MZT2B: variants seen among roughly 807,000 people sequenced by gnomAD.
The protein encoded by MZT2B is mitotic-spindle organizing protein 2B.
A neutral mutation model predicts 12.1 loss-of-function variants in MZT2B; 11 were observed. The ratio of observed to expected loss-of-function variants is 0.91; its 90% CI spans 0.57 to 1.50. The LOEUF (loss-of-function observed/expected upper bound fraction) is 1.50. Ranked by LOEUF, MZT2B falls within the 40% of genes most tolerant of loss-of-function variation. MZT2B has a pLI of 0.00. For missense variants in MZT2B, 209 were observed against 227.7 expected, an observed-to-expected ratio of 0.92 and a Z score of 0.53; for synonymous variants, 85 against 109.5, an observed-to-expected ratio of 0.78 and a Z score of 1.40.
chr2:130,192,568 G>A (rs1366316324), downstream of MZT2B, among the ~76,000 whole-genome samples: 4 of 152,206 alleles, frequency 2.6e-5, no homozygotes, highest in East Asian at 3.9e-4. Context: ...ACAAGCCACT[G>A]TGGATATGCA....
chr2:130,181,938 G>A, upstream of MZT2B: 6 of 1,434,900 alleles, frequency 4.2e-6, no homozygotes, highest in South Asian at 1.3e-5. Flanking sequence ...TTTCTTGAAA[G>A]AGGCATTTAC....
chr2:130,187,219 C>G (rs1228092368), intron 2 of MZT2B, among the ~76,000 whole-genome samples: 1 of 152,028 alleles, frequency 6.6e-6, no homozygotes, highest in African/African-American at 2.4e-5. Context: ...TTGAGACAGT[C>G]TTGTTCTGTC....
chr2:130,204,740 C>T, the MZT2B span, among the ~76,000 whole-genome samples: 2 of 149,864 alleles, frequency 1.3e-5, no homozygotes, highest in African/African-American at 2.5e-5. Flanking sequence ...GATATTTCAG[C>T]GATGGTATTG....
chr2:130,196,327 G>A, the MZT2B span: 11 of 1,614,030 alleles, frequency 6.8e-6, no homozygotes, highest in African/African-American at 4.0e-5. Context: ...AGGCATTGCC[G>A]ATCTGGACAC....
chr2:130,190,644 T>A lies in MZT2B; in HGVS notation c.*18T>A. 6.3e-7 allele frequency: 1 copy of A among 1,588,850 alleles called. No individual in the cohort carries two copies. The highest frequency in any genetic ancestry group is 8.6e-7 in the Non-Finnish European group (1 of 1,161,380). On this transcript the variant is annotated 3_prime_UTR_variant, in exon 3 of 3. Coordinates refer to ENST00000281871, the MANE Select transcript of MZT2B (RefSeq NM_025029.5). ...GCACCTAGGATGGGGCAGAGACTTG[T>A]TGCATCTTTGTCCCCAGCAAAGGCT...
rs895677161 is a variant in MZT2B at position 130,184,437 on chromosome 2, C to G, written c.319+1662C>G. 3.0e-6 allele frequency: 3 copies of G among 985,352 alleles called. No individual in the cohort carries two copies. The African/African-American group carries it at 5.2e-5, about 17-fold the overall frequency. The allele number at this position is 985,352 out of a possible 1,614,324, so 61.0% of individuals were successfully genotyped here. On this transcript the variant is annotated intron_variant, in intron 2 of 2. Coordinates refer to ENST00000281871, the MANE Select transcript of MZT2B (RefSeq NM_025029.5). ...ATGCCATATGCTGGCCCCGTGGCCACACTCCAGCACTCAGCCCCCTTGCCC... is the reference window on the plus strand; with the variant it reads ...ATGCCATATGCTGGCCCCGTGGCCAGACTCCAGCACTCAGCCCCCTTGCCC...
chr2:130,184,913 C>T lies in MZT2B; in HGVS notation c.319+2138C>T, dbSNP rs575353023. On this transcript the variant is annotated intron_variant, in intron 2 of 2. Transcript: ENST00000281871. Reference sequence around the variant, plus strand: ...AGTGTGGTGGCTCACACCTGTAATCCCAGCACTTTGGGAAGTCAAGGCAGG... The same window carrying T: ...AGTGTGGTGGCTCACACCTGTAATCTCAGCACTTTGGGAAGTCAAGGCAGG... 21 of 984,722 alleles carry T rather than the reference C, an allele frequency of 2.1e-5. No individual in the cohort carries two copies. The South Asian group carries it at 7.1e-4, about 33-fold the overall frequency. 61.0% of individuals were successfully genotyped at this position (984,722 alleles called of 1,614,324 possible).
At chr2:130,196,338 C>A in the MZT2B span, 1 of 1,614,016 alleles carries the variant, frequency 6.2e-7, no homozygotes, top group Non-Finnish European at 8.5e-7. Context: ...ATCTGGACAC[C>A]CGCCTGCCCC....
At chr2:130,181,679 C>A (rs1689658135), upstream of MZT2B, 3 of 1,548,430 alleles carry the variant, frequency 1.9e-6, no homozygotes, top group East Asian at 7.3e-5. Context: ...CCTCAAAAGG[C>A]GCGTGCGCAA....
chr2:130,184,271 G>C (rs1035547174), intron 2 of MZT2B: 1 of 985,238 alleles, frequency 1.0e-6, no homozygotes, highest in Non-Finnish European at 1.2e-6. Context: ...GCCAGAGTGC[G>C]GTGTGCTGTG....
chr2:130,197,633 C>T, the MZT2B span, among the ~76,000 whole-genome samples: 14 of 127,546 alleles, frequency 1.1e-4, 3 homozygotes, highest in Non-Finnish European at 2.3e-4. Context: ...TTTTTTGAGG[C>T]AGGGTCTCTG....
At chr2:130,204,608 T>C in the MZT2B span, among the ~76,000 whole-genome samples, 2 of 151,070 alleles carry the variant, frequency 1.3e-5, no homozygotes, top group African/African-American at 4.9e-5. Flanking sequence ...GGAGAATTGC[T>C]TGAACCTGGG....
downstream of MZT2B, among the ~76,000 whole-genome samples, chr2:130,191,585 C>T (rs1244498232): frequency 6.6e-6 from 1 of 152,200 alleles, no homozygotes; most frequent in African/African-American, 2.4e-5. Flanking sequence ...ACACTATTTT[C>T]CCCTGGTCAG....
At chr2:130,199,045 T>C in the MZT2B span, among the ~76,000 whole-genome samples, 41 of 122,226 alleles carry the variant, frequency 3.4e-4, 10 homozygotes, top group Non-Finnish European at 6.1e-4. Context: ...AAAACCCATC[T>C]CTACTAAAAA....
At chr2:130,201,860 A>G in the MZT2B span, among the ~76,000 whole-genome samples, 1 of 152,248 alleles carries the variant, frequency 6.6e-6, no homozygotes, top group South Asian at 2.1e-4. Flanking sequence ...AGACCTGTAC[A>G]GCAAGGATTT....
At chr2:130,192,048 C>T, downstream of MZT2B, 4 of 1,614,144 alleles carry the variant, frequency 2.5e-6, no homozygotes, top group Non-Finnish European at 3.4e-6. Flanking sequence ...CGTGGTGTTG[C>T]TCAGCATGCA....
intron 2 of MZT2B, chr2:130,183,756 T>C: frequency 6.4e-7 from 1 of 1,550,618 alleles, no homozygotes; most frequent in Non-Finnish European, 8.7e-7. Flanking sequence ...TCGCTCTGTC[T>C]GCTCTCTTTG....
chr2:130,194,486 G>C (rs775855768), downstream of MZT2B: 1 of 1,520,022 alleles, frequency 6.6e-7, no homozygotes, highest in South Asian at 1.3e-5. Context: ...ACCAGACAAC[G>C]TGAGCCAATG....
intron 2 of MZT2B, chr2:130,184,037 G>A (rs1558776793): frequency 6.5e-7 from 1 of 1,550,320 alleles, no homozygotes. Flanking sequence ...CTGGCCCCAG[G>A]AGGCCCAAGC....
Sources: gnomAD v4.1 joint callset for allele counts (sites outside exome capture counted in the v4.1 genomes callset) on GRCh38, gnomAD v4.1.1 for gene constraint, MANE v1.5 for transcripts, NCBI Gene and HGNC (gene_info 2026-07-23, HGNC 2026-07-21) for gene names.